The following WDR25 variants were observed in gnomAD, a reference collection of about 807,000 sequenced individuals.
WDR25 encodes the protein WD repeat domain 25, also known as WD repeat-containing protein 25.
In WDR25, 35 loss-of-function variants were observed where a neutral mutation model predicts 47.7. The observed-to-expected ratio is 0.73, with a 90% CI of 0.56 to 0.97. The LOEUF is 0.97. Ranked by LOEUF, WDR25 falls within the 50% of genes least tolerant of loss-of-function variation. The pLI is 0.00. For missense variants in WDR25, 634 were observed against 704.7 expected (o/e 0.90, Z 1.14); for synonymous variants, 248 against 278.9 (o/e 0.89, Z 1.10).
At chr14:100,438,985 C>T (rs1898583384) in intron 2 of WDR25, among the ~76,000 whole-genome samples, 2 of 152,174 alleles carry the variant, frequency 1.3e-5, no homozygotes, top group Non-Finnish European at 2.9e-5. Context: ...GCCAATTGAC[C>T]ACCTGCCCAC....
chr14:100,519,226 T>C (rs1407294127), intron 4 of WDR25, among the ~76,000 whole-genome samples: 1 of 151,868 alleles, frequency 6.6e-6, no homozygotes, highest in East Asian at 1.9e-4. Flanking sequence ...TAAAATTTTG[T>C]CCAGAGTTTT....
intron 2 of WDR25, among the ~76,000 whole-genome samples, chr14:100,465,633 C>T (rs927082408): frequency 6.6e-6 from 1 of 152,194 alleles, no homozygotes; most frequent in Non-Finnish European, 1.5e-5. Context: ...GATTACTCCC[C>T]TCTTTTGGCT....
chr14:100,496,103 TCACCAG>T (rs562990521), intron 4 of WDR25, among the ~76,000 whole-genome samples: 9 of 152,352 alleles, frequency 5.9e-5, no homozygotes, highest in African/African-American at 1.9e-4. Context: ...TTCCATATCC[TCACCAG>T]CACTTGTTCT....
chr14:100,456,427 A>C (rs1212333970), intron 2 of WDR25, among the ~76,000 whole-genome samples: 1 of 152,232 alleles, frequency 6.6e-6, no homozygotes, highest in Non-Finnish European at 1.5e-5. Context: ...GTCAATAGAT[A>C]CAGATCCAGA....
At position 100,392,197 on chromosome 14, in the gene WDR25, C is replaced by T. The variant is rs115697552; in HGVS notation, c.822+10451C>T. Reference sequence around the variant, plus strand: ...CCATAGCTATAATCCGAAAAAACAACAGCTCTTTGGGGTCCTCAGTCATTT... The same window carrying T: ...CCATAGCTATAATCCGAAAAAACAATAGCTCTTTGGGGTCCTCAGTCATTT... On this transcript the variant is annotated intron_variant, in intron 2 of 6. Coordinates refer to ENST00000402312, the MANE Select transcript of WDR25 (RefSeq NM_001161476.3). The surrounding 1 kb of genome is among the most constrained non-coding windows in gnomAD (Gnocchi z 4.2). 5.3e-3 allele frequency among the ~76,000 whole-genome samples: 807 copies of T among 152,206 alleles called. 6 individuals are homozygous for T. The highest frequency in any genetic ancestry group is 0.019 in the African/African-American group (770 of 41,512).
intron 2 of WDR25, among the ~76,000 whole-genome samples, chr14:100,462,900 G>A (rs1274337303): frequency 2.4e-5 from 2 of 81,686 alleles, no homozygotes; most frequent in African/African-American, 6.4e-5. Context: ...CCCTCTCCCC[G>A]CTTCCTCTCC....
At chr14:100,448,211 AAG>A (rs1491084292) in intron 2 of WDR25, among the ~76,000 whole-genome samples, 5 of 151,036 alleles carry the variant, frequency 3.3e-5, no homozygotes, top group East Asian at 3.9e-4. Context: ...AAAAAAAAAA[AAG>A]AAGATTTTAG....
chr14:100,377,492 T>C (rs1158421117), intron 1 of WDR25, among the ~76,000 whole-genome samples: 7 of 151,468 alleles, frequency 4.6e-5, no homozygotes, highest in Non-Finnish European at 1.0e-4. Context: ...GTATTTTTAG[T>C]AGAGACGGGG....
chr14:100,458,237 A>G (rs1292729857), intron 2 of WDR25, among the ~76,000 whole-genome samples: 1 of 152,212 alleles, frequency 6.6e-6, no homozygotes, highest in Non-Finnish European at 1.5e-5. Context: ...AGCTGGAGTT[A>G]ACATAGACAA....
intron 2 of WDR25, among the ~76,000 whole-genome samples, chr14:100,461,963 G>A (rs531432092): frequency 1.5e-4 from 23 of 151,104 alleles, no homozygotes; most frequent in African/African-American, 5.3e-4. Flanking sequence ...TATTTCCAAT[G>A]AAATCAGAGA....
rs1327179870 is a variant in WDR25, at chr14:100,377,342, C to T, written c.-16+847C>T. Among the ~76,000 whole-genome samples the T allele has an allele frequency of 2.0e-5, 3 of 151,848 alleles. No homozygotes were observed. In the East Asian group the frequency reaches 5.8e-4, roughly 29 times the overall value. On this transcript the variant is annotated intron_variant, in intron 1 of 6. Coordinates refer to ENST00000402312, the MANE Select transcript of WDR25 (RefSeq NM_001161476.3). Reference sequence around the variant, plus strand: ...TGAGACCAAGTCTCGCTCTGTAGCCCAGGCTGGAGTGCAGTGGCGTGATCT... The same window carrying T: ...TGAGACCAAGTCTCGCTCTGTAGCCTAGGCTGGAGTGCAGTGGCGTGATCT...
intron 4 of WDR25, among the ~76,000 whole-genome samples, chr14:100,519,685 T>C (rs1003509113): frequency 2.1e-5 from 3 of 144,816 alleles, no homozygotes; most frequent in Non-Finnish European, 4.5e-5. Context: ...ATATATAACA[T>C]ATAATCATCT....
intron 4 of WDR25, among the ~76,000 whole-genome samples, chr14:100,522,737 C>T (rs767033783): frequency 3.3e-4 from 50 of 152,310 alleles, no homozygotes; most frequent in Non-Finnish European, 5.6e-4. Flanking sequence ...AGTTACTTGC[C>T]CAAAATTATG....
Position 100,430,077 on chromosome 14 carries a change from C to G in WDR25, c.823-37944C>G, listed in dbSNP as rs1898283118. Among the ~76,000 whole-genome samples, 1 of 152,036 alleles carries G rather than the reference C, an allele frequency of 6.6e-6. No individual in the cohort carries two copies. Among genetic ancestry groups the G allele is most frequent in the Non-Finnish European group, 1.5e-5 (1 of 68,020 alleles). On this transcript the variant is annotated intron_variant, in intron 2 of 6. Coordinates refer to ENST00000402312, the MANE Select transcript of WDR25 (RefSeq NM_001161476.3). This position sits in a 1 kb window ranked among gnomAD's most constrained non-coding sequence, Gnocchi z 4.7. ...CAATGAATGTTTGTTATATTTGAATCTGAAAGGTTCCAGAAAGATGAGATG... is the reference window on the plus strand; with the variant it reads ...CAATGAATGTTTGTTATATTTGAATGTGAAAGGTTCCAGAAAGATGAGATG...
rs1566938398 is a variant in WDR25 at position 100,499,439 on chromosome 14, A to G, written c.1101+15315A>G. On this transcript the variant is annotated intron_variant, in intron 4 of 6. Transcript: ENST00000402312. This position sits in a 1 kb window ranked among gnomAD's most constrained non-coding sequence, Gnocchi z 4.4. ...CTGCACAATAATTCTTAAACGCAGA[A>G]TTAGTCGAAAGGTAAGCATGGTTTT... Among the ~76,000 whole-genome samples the G allele has an allele frequency of 6.6e-6, 1 of 152,236 alleles. No homozygotes were observed. The highest frequency in any genetic ancestry group is 1.5e-5 in the Non-Finnish European group (1 of 68,040).
chr14:100,481,990 C>G (rs149817082), intron 3 of WDR25, among the ~76,000 whole-genome samples: 5 of 151,598 alleles, frequency 3.3e-5, no homozygotes, highest in African/African-American at 1.2e-4. Context: ...CAATACATGG[C>G]TTTTTAGATT....
chr14:100,406,613 C>G (rs893412459), intron 2 of WDR25: 2 of 152,268 alleles, frequency 1.3e-5, no homozygotes, highest in African/African-American at 4.8e-5. Flanking sequence ...TACCAAGTGG[C>G]AGAGCTGGAA....
chr14:100,453,128 T>TG (rs1255906962), intron 2 of WDR25, among the ~76,000 whole-genome samples: 2 of 152,154 alleles, frequency 1.3e-5, no homozygotes, highest in African/African-American at 4.8e-5. Flanking sequence ...AGGGATTCAG[T>TG]GGGGAACTCA....
rs1297430104 is a variant in WDR25, at chr14:100,525,344, A to C, written c.1102-526A>C. Among the ~76,000 whole-genome samples the C allele has an allele frequency of 6.6e-6, 1 of 152,242 alleles. No individual in the cohort carries two copies. The highest frequency in any genetic ancestry group is 2.4e-5 in the African/African-American group (1 of 41,460). ...CTGTGAAGTATCGGTGATGATGCTA[A>C]AACAATACAAAGTGTCGTTAAAGCT... On this transcript the variant is annotated intron_variant, in intron 4 of 6. Coordinates refer to ENST00000402312, the MANE Select transcript of WDR25 (RefSeq NM_001161476.3). This position sits in a 1 kb window ranked among gnomAD's most constrained non-coding sequence, Gnocchi z 4.6.
Sources: gnomAD v4.1 joint callset for allele counts (sites outside exome capture counted in the v4.1 genomes callset) on GRCh38, gnomAD v4.1.1 for gene constraint, Gnocchi (gnomAD v3.1) non-coding constraint, MANE v1.5 for transcripts, NCBI Gene and HGNC (gene_info 2026-07-23, HGNC 2026-07-21) for gene names.